The following SPTB variants were observed in gnomAD, a reference collection of about 807,000 sequenced individuals.
SPTB encodes spectrin beta, erythrocytic.
A neutral mutation model predicts 256.2 loss-of-function variants in SPTB; 45 were observed. The observed-to-expected ratio is 0.18, with a 90% CI of 0.14 to 0.23. The LOEUF (loss-of-function observed/expected upper bound fraction) is 0.23. Ranked by LOEUF, SPTB falls within the 10% of genes least tolerant of loss-of-function variation. The pLI is 1.00. For synonymous variants in SPTB, 1,231 were observed against 1,243.1 expected (o/e 0.99, Z 0.21); for missense variants, 2,715 against 3,040.4 (o/e 0.89, Z 2.52).
chr14:64,792,553 G>T lies in SPTB; in HGVS notation c.2666+444C>A, dbSNP rs1160506397. ...AATCAGAACACCAGGGGTGAGAGTG[G>T]CCTTGCAGACAGGGGGTTTGCAAAT... On this transcript the variant is annotated intron_variant, in intron 14 of 35. Coordinates refer to ENST00000644917, the MANE Select transcript of SPTB (RefSeq NM_001355436.2). The surrounding 1 kb of genome is among the most constrained non-coding windows in gnomAD (Gnocchi z 4.2). Among the ~76,000 whole-genome samples the T allele has an allele frequency of 6.6e-6, 1 of 152,096 alleles. No individual in the cohort carries two copies. Among genetic ancestry groups the T allele is most frequent in the Non-Finnish European group, 1.5e-5 (1 of 68,018 alleles).
rs2082543042 is a variant in SPTB, at chr14:64,785,231, C to CA, written c.3855+305dup. On this transcript the variant is annotated intron_variant, in intron 18 of 35. Transcript: ENST00000644917. This position sits in a 1 kb window ranked among gnomAD's most constrained non-coding sequence, Gnocchi z 4.4. ...GCAAAGCACAGGGTGTGACACAGGT[C>CA]ACACATCCTCAAAGCTGGCCCAGAC... Among the ~76,000 whole-genome samples, 1 of 152,114 alleles carries CA rather than the reference C, an allele frequency of 6.6e-6. No homozygotes were observed. The highest frequency in any genetic ancestry group is 2.4e-5 in the African/African-American group (1 of 41,414).
rs2082573943 is a variant in SPTB, at chr14:64,786,577, C to T, written c.3388G>A (p.Gly1130Ser). 3 of 1,614,192 alleles carry T rather than the reference C, an allele frequency of 1.9e-6. No individual in the cohort carries two copies. Among genetic ancestry groups the T allele is most frequent in the African/African-American group, 1.3e-5 (1 of 75,046 alleles). ...AGCAGATACTCTGGGTCCGTCTGGC[C>T]TTGGATCACTTTCTCCCCAGACTCC... is the stretch of plus-strand genomic sequence containing the variant. ...VKESGEKVIQ[G>S]QTDPEYLLLG... The change falls in exon 16 of 36, where the codon GGC (glycine) becomes AGC (serine). Residue 1130 changes from glycine (G) to serine (S), a missense_variant. Gly to Ser is a moderately conservative substitution (Grantham distance 56). Transcript: ENST00000644917. The surrounding 1 kb of genome is among the most constrained non-coding windows in gnomAD (Gnocchi z 5.6).
intron 1 of SPTB, among the ~76,000 whole-genome samples, chr14:64,868,183 A>G (rs988833097): frequency 6.6e-6 from 1 of 152,252 alleles, no homozygotes; most frequent in African/African-American, 2.4e-5. Flanking sequence ...GGGATGGGTT[A>G]GAAAGGTAGA....
At chr14:64,799,564 A>C (rs766593467) in intron 9 of SPTB, among the ~76,000 whole-genome samples, 183 bp downstream of exon 9, 9 of 152,338 alleles carry the variant, frequency 5.9e-5, no homozygotes, top group Non-Finnish European at 1.3e-4. Flanking sequence ...TGGTTTCTCT[A>C]AGCTGATGGC....
intron 1 of SPTB, among the ~76,000 whole-genome samples, chr14:64,872,506 T>C (rs1031990482): frequency 9.2e-5 from 14 of 152,192 alleles, no homozygotes; most frequent in African/African-American, 3.4e-4. Context: ...CCTATGACAC[T>C]TGGACTAAAA....
chr14:64,818,066 C>T (rs908230049), intron 2 of SPTB, among the ~76,000 whole-genome samples: 5 of 152,210 alleles, frequency 3.3e-5, no homozygotes, highest in Non-Finnish European at 7.3e-5. Flanking sequence ...TACAAAGAGA[C>T]AATGCAGGAA....
At chr14:64,851,331 A>G (rs1232110432) in intron 1 of SPTB, among the ~76,000 whole-genome samples, 1 of 152,220 alleles carries the variant, frequency 6.6e-6, no homozygotes, top group Non-Finnish European at 1.5e-5. Context: ...TTCTTCACCT[A>G]TAAAACAAGG....
intron 1 of SPTB, among the ~76,000 whole-genome samples, chr14:64,833,550 CAAA>C (rs11334742): frequency 7.7e-6 from 1 of 130,092 alleles, no homozygotes; most frequent in Admixed American, 7.9e-5. Flanking sequence ...GAGTCCATCT[CAAA>C]AAAAAAAAAA....
chr14:64,803,810 T>G, intron 3 of SPTB, 30 bp from the exon 4 acceptor site: 2 of 1,580,470 alleles, frequency 1.3e-6, no homozygotes, highest in Non-Finnish European at 1.7e-6. Flanking sequence ...CCCGTGGGCA[T>G]GGAGGGACTG....
At chr14:64,877,682 A>G (rs4899150) in intron 1 of SPTB, among the ~76,000 whole-genome samples, 129,280 of 152,254 alleles carry the variant, frequency 0.85, 55,618 homozygotes, top group Non-Finnish European at 0.91. Context: ...CAACAACATA[A>G]AAGACAGAAT....
chr14:64,795,476 C>G lies in SPTB; in HGVS notation c.1505G>C (p.Arg502Pro). 1 of 1,614,166 alleles carries G rather than the reference C, an allele frequency of 6.2e-7. No homozygotes were observed. The highest frequency in any genetic ancestry group is 8.5e-7 in the Non-Finnish European group (1 of 1,180,018). Residue 502 changes from arginine to proline, a missense_variant, in exon 12 of 36, where the codon CGC (arginine) becomes CCC (proline). Physicochemically the swap from Arg to Pro is moderately radical, Grantham distance 103. This residue lies in a region of SPTB where 2,239 missense variants were observed against 2,384.4 expected (regional missense o/e 0.94). Coordinates refer to ENST00000644917, the MANE Select transcript of SPTB (RefSeq NM_001355436.2). This position sits in a 1 kb window ranked among gnomAD's most constrained non-coding sequence, Gnocchi z 6.5. ...CCATAGGCGCAGTATATTGTCCTTG[C>G]GGGCCGTGATGCGCTTCTGGTCATG... is the stretch of plus-strand genomic sequence containing the variant. ...NYHDQKRITA[R>P]KDNILRLWSY...
In SPTB at chr14:64,826,608, G is replaced by A. The variant is rs991876553; in HGVS notation, c.-51-3463C>T. Reference sequence around the variant, plus strand: ...ACTTCAGGCCCATCAGTAAACCCAGGAAAAAAGGCATAAGTACTTCCTTGT... The same window carrying A: ...ACTTCAGGCCCATCAGTAAACCCAGAAAAAAAGGCATAAGTACTTCCTTGT... On this transcript the variant is annotated intron_variant, in intron 1 of 35. Transcript: ENST00000644917. The surrounding 1 kb of genome is among the most constrained non-coding windows in gnomAD (Gnocchi z 4.4). Among the ~76,000 whole-genome samples the A allele has an allele frequency of 1.3e-5, 2 of 151,986 alleles. No individual in the cohort carries two copies. Among genetic ancestry groups the A allele is most frequent in the African/African-American group, 4.8e-5 (2 of 41,388 alleles).
intron 1 of SPTB, among the ~76,000 whole-genome samples, chr14:64,865,154 G>A (rs2139810830): frequency 6.6e-6 from 1 of 152,176 alleles, no homozygotes; most frequent in South Asian, 2.1e-4. Flanking sequence ...ATTTCAGTGA[G>A]AAAGCATTCC....
chr14:64,874,426 G>A (rs556008934), intron 1 of SPTB, among the ~76,000 whole-genome samples: 4 of 152,326 alleles, frequency 2.6e-5, no homozygotes, highest in African/African-American at 4.8e-5. Flanking sequence ...TGTAAGACAC[G>A]TGGTAGACAC....
chr14:64,767,891 C>A, intron 29 of SPTB, 32 bp from the exon 30 acceptor site: 3 of 1,610,898 alleles, frequency 1.9e-6, no homozygotes, highest in Non-Finnish European at 2.5e-6. Flanking sequence ...AGACCCCCCA[C>A]AAGGCCCAGG....
In SPTB at chr14:64,823,176, T is replaced by A; in HGVS notation, c.-51-31A>T. The A allele has an allele frequency of 6.5e-7, 1 of 1,545,272 alleles. No homozygotes were observed. The highest frequency in any genetic ancestry group is 1.1e-5 in the South Asian group (1 of 89,316). On this transcript the variant is annotated intron_variant, in intron 1 of 35. Coordinates refer to ENST00000644917, the MANE Select transcript of SPTB (RefSeq NM_001355436.2). This position sits in a 1 kb window ranked among gnomAD's most constrained non-coding sequence, Gnocchi z 6.5. ...GGACAGCAACACAGTCAGAGGGTTA[T>A]CTCTCTACCCCCTCGGACTTTTTCT...
rs1016970664 is a variant in SPTB, at chr14:64,760,944, G to A, written c.6345+5782C>T. Among the ~76,000 whole-genome samples, 2 of 152,232 alleles carry A rather than the reference G, an allele frequency of 1.3e-5. No individual in the cohort carries two copies. Among genetic ancestry groups the A allele is most frequent in the African/African-American group, 2.4e-5 (1 of 41,462 alleles). On this transcript the variant is annotated intron_variant, in intron 32 of 35. Transcript: ENST00000644917. This position sits in a 1 kb window ranked among gnomAD's most constrained non-coding sequence, Gnocchi z 4.3. ...AGGAGACCTGTATCCTCACTCCAGA[G>A]GAAAGCACCTGCCCGATGGGGTTCA...
rs1345836532 is a variant in SPTB, at chr14:64,779,294, C to T, written c.4474-48G>A. The T allele has an allele frequency of 2.0e-6, 3 of 1,512,340 alleles. No homozygotes were observed. Among genetic ancestry groups the T allele is most frequent in the Middle Eastern group, 1.7e-4 (1 of 5,846 alleles). The allele number at this position is 1,512,340 out of a possible 1,614,324, so 93.7% of individuals were successfully genotyped here. A position where few individuals can be genotyped will look rare whatever the true frequency, so the allele number is the denominator to read the frequency against. ...GAGAGCTGATGACAATCACGGCCAA[C>T]CTTTCCTGAGTGCTCACCATGGGCG... is the stretch of plus-strand genomic sequence containing the variant. On this transcript the variant is annotated intron_variant, in intron 21 of 35. Transcript: ENST00000644917. The surrounding 1 kb of genome is among the most constrained non-coding windows in gnomAD (Gnocchi z 4.2).
intron 3 of SPTB, 25 bp downstream of exon 3, chr14:64,804,914 C>T (rs1305224089): frequency 6.2e-7 from 1 of 1,613,504 alleles, no homozygotes; most frequent in East Asian, 2.2e-5. Context: ...GGCAGCAGCC[C>T]CGGGGCCCAC....
Sources: gnomAD v4.1 joint callset for allele counts (sites outside exome capture counted in the v4.1 genomes callset) on GRCh38, gnomAD v4.1.1 for gene constraint, gnomAD v4.1.1 regional missense constraint, Gnocchi (gnomAD v3.1) non-coding constraint, MANE v1.5 for transcripts, NCBI Gene and HGNC (gene_info 2026-07-23, HGNC 2026-07-21) for gene names.